Variants in HSH2D observed in about 807,000 individuals in gnomAD.
HSH2D encodes hematopoietic SH2 domain containing.
A neutral mutation model predicts 21.5 loss-of-function variants in HSH2D; 16 were observed. The ratio of observed to expected loss-of-function variants is 0.74; its 90% confidence interval spans 0.50 to 1.13. The LOEUF (loss-of-function observed/expected upper bound fraction) is 1.13. HSH2D is among the 50% of genes most tolerant of loss of function. HSH2D has a pLI of 0.00. For synonymous variants in HSH2D, 172 were observed against 184.7 expected, an observed-to-expected ratio of 0.93 and a Z score of 0.56; for missense variants, 418 against 441.4, an observed-to-expected ratio of 0.95 and a Z score of 0.47.
chr19:16,142,682 C>G (rs560210428), upstream of HSH2D, among the ~76,000 whole-genome samples: 3 of 152,106 alleles, frequency 2.0e-5, no homozygotes, highest in Non-Finnish European at 4.4e-5. Flanking sequence ...AGGCTGGTCG[C>G]GAACTCCTGA....
At chr19:16,150,485 G>C (rs2091133107) in intron 2 of HSH2D, among the ~76,000 whole-genome samples, 1 of 151,878 alleles carries the variant, frequency 6.6e-6, no homozygotes, top group South Asian at 2.1e-4. Flanking sequence ...ATTGCAGTGA[G>C]CTGAGGTCGT....
chr19:16,140,421 A>G (rs771481723), upstream of HSH2D, among the ~76,000 whole-genome samples: 1 of 152,108 alleles, frequency 6.6e-6, no homozygotes, highest in South Asian at 2.1e-4. Flanking sequence ...CCTGGCCAAC[A>G]TGGTGAAACC....
Position 16,154,502 on chromosome 19 carries a change from G to T in HSH2D, c.474+11G>T. The T allele has an allele frequency of 6.5e-7, 1 of 1,538,430 alleles. No homozygotes were observed. Among genetic ancestry groups the T allele is most frequent in the South Asian group, 1.2e-5 (1 of 83,678 alleles). On this transcript the variant is annotated intron_variant, in intron 5 of 5. Transcript: ENST00000613986. Reference sequence around the variant, plus strand: ...TCTGCCCCTGAGGAGGTATGTATATGACAGGAGGCTGGCACCTCCCACCTG... The same window carrying T: ...TCTGCCCCTGAGGAGGTATGTATATTACAGGAGGCTGGCACCTCCCACCTG...
At chr19:16,139,630 C>T (rs1335751571), upstream of HSH2D, 1 of 152,256 alleles carries the variant, frequency 6.6e-6, no homozygotes, top group African/African-American at 2.4e-5. Context: ...AGGGCTTCCC[C>T]ACTCCCTGAC....
At chr19:16,145,602 C>T (rs1472977780) in intron 1 of HSH2D, among the ~76,000 whole-genome samples, 1 of 152,156 alleles carries the variant, frequency 6.6e-6, no homozygotes, top group Non-Finnish European at 1.5e-5. Flanking sequence ...CCAGAATTCC[C>T]TCAGGCCATA....
In HSH2D at chr19:16,157,785, G is replaced by A. The variant is rs373007965; in HGVS notation, c.1050G>A (p.Gly350=). 23 of 1,598,844 alleles carry A rather than the reference G, an allele frequency of 1.4e-5. 1 individual carries two copies. In the African/African-American group the frequency reaches 2.5e-4, roughly 18 times the overall value. The change falls in exon 6 of 6, where the codon GGG becomes GGA. Residue 350 remains glycine (G), a synonymous_variant. Transcript: ENST00000613986. The surrounding 1 kb of genome is among the most constrained non-coding windows in gnomAD (Gnocchi z 4.4). ...EYQQPPPFAP[G]YC Reference sequence around the variant, plus strand: ...AACAACCGCCACCCTTTGCCCCTGGGTACTGCTAGAGAACAGGTCCACCCT... The same window carrying A: ...AACAACCGCCACCCTTTGCCCCTGGATACTGCTAGAGAACAGGTCCACCCT...
chr19:16,155,095 C>G (rs191939112), intron 5 of HSH2D, among the ~76,000 whole-genome samples: 1 of 152,268 alleles, frequency 6.6e-6, no homozygotes, highest in African/African-American at 2.4e-5. Flanking sequence ...AGGTGCTTAA[C>G]TAATGAATCT....
chr19:16,151,696 A>G (rs551350265), intron 2 of HSH2D: 1 of 412,118 alleles, frequency 2.4e-6, no homozygotes, highest in Admixed American at 2.6e-5. Flanking sequence ...GATCAAGGTC[A>G]TCAGACGCCT....
chr19:16,142,845 T>G (rs971528587), upstream of HSH2D, among the ~76,000 whole-genome samples: 2 of 151,648 alleles, frequency 1.3e-5, no homozygotes, highest in Non-Finnish European at 2.9e-5. Flanking sequence ...TGATCTCGGC[T>G]CACTGCAGCC....
At chr19:16,139,343 G>T (rs1035954525), upstream of HSH2D, among the ~76,000 whole-genome samples, 1 of 152,210 alleles carries the variant, frequency 6.6e-6, no homozygotes. Context: ...ACACTGGGAG[G>T]CTGGGGTGTG....
chr19:16,139,716 C>T (rs938590520), upstream of HSH2D: 1 of 152,342 alleles, frequency 6.6e-6, no homozygotes, highest in African/African-American at 2.4e-5. Context: ...CCACGTGAAT[C>T]TGTGAATGGC....
intron 1 of HSH2D, among the ~76,000 whole-genome samples, chr19:16,138,099 C>T (rs1268026496): frequency 2.0e-5 from 3 of 151,980 alleles, no homozygotes; most frequent in Non-Finnish European, 4.4e-5. Context: ...AACTCTTGAC[C>T]TCAGGTGATC....
At chr19:16,140,135 A>G (rs2090990467), upstream of HSH2D, among the ~76,000 whole-genome samples, 1 of 152,012 alleles carries the variant, frequency 6.6e-6, no homozygotes, top group Admixed American at 6.6e-5. Context: ...CAGGAGGATC[A>G]GAGAAGTGAA....
intron 4 of HSH2D, among the ~76,000 whole-genome samples, chr19:16,154,077 A>C (rs1185853468): frequency 6.8e-6 from 1 of 146,068 alleles, no homozygotes; most frequent in African/African-American, 2.5e-5. Context: ...ATCTTTCCTT[A>C]TAGGACTCAG....
upstream of HSH2D, among the ~76,000 whole-genome samples, chr19:16,140,540 G>C (rs1568326213): frequency 6.6e-6 from 1 of 152,026 alleles, no homozygotes; most frequent in Non-Finnish European, 1.5e-5. Context: ...GGGAGGTGGA[G>C]GTTGCAGTGA....
chr19:16,134,601 C>T (rs947913278), intron 1 of HSH2D, among the ~76,000 whole-genome samples: 2 of 135,894 alleles, frequency 1.5e-5, no homozygotes, highest in Non-Finnish European at 3.3e-5. Flanking sequence ...ACTCTCTATT[C>T]CAATTTGAAT....
chr19:16,134,814 C>T (rs2145003517), intron 1 of HSH2D, among the ~76,000 whole-genome samples: 1 of 152,216 alleles, frequency 6.6e-6, no homozygotes, highest in African/African-American at 2.4e-5. Context: ...ATCAGTGTCA[C>T]CTCCTTGCTT....
intron 1 of HSH2D, among the ~76,000 whole-genome samples, chr19:16,145,097 G>C (rs2145027495): frequency 6.8e-6 from 1 of 146,828 alleles, no homozygotes; most frequent in Admixed American, 6.8e-5. Flanking sequence ...GGAGTGCAGT[G>C]GTGCGATCTT....
At position 16,157,294 on chromosome 19, in the gene HSH2D, A is replaced by ACT; in HGVS notation, c.560_561dup (p.Ser188LeufsTer35). 1 of 1,611,606 alleles carries ACT rather than the reference A, an allele frequency of 6.2e-7. No individual in the cohort carries two copies. Among genetic ancestry groups the ACT allele is most frequent in the South Asian group, 1.1e-5 (1 of 90,884 alleles). On this transcript the variant is annotated frameshift_variant, in exon 6 of 6. Coordinates refer to ENST00000613986, the MANE Select transcript of HSH2D (RefSeq NM_001382417.1). LOFTEE classifies it low-confidence loss of function (END_TRUNC). This position sits in a 1 kb window ranked among gnomAD's most constrained non-coding sequence, Gnocchi z 4.4. ...GAACAGAATAACCACCAAGGAAGCC[A>ACT]CTTCCTCCTGCCCCCCAAAATCCCC...
Sources: allele counts gnomAD v4.1 joint callset (sites outside exome capture counted in the v4.1 genomes callset), GRCh38; gene constraint gnomAD v4.1.1; non-coding constraint Gnocchi (gnomAD v3.1); transcripts MANE v1.5; gene names NCBI Gene and HGNC (gene_info 2026-07-23, HGNC 2026-07-21).